SRGAP1: variants seen among roughly 807,000 people sequenced by gnomAD.
SRGAP1 encodes SLIT-ROBO Rho GTPase-activating protein 1.
In SRGAP1, 43 loss-of-function variants were observed where a neutral mutation model predicts 121.9. The ratio of observed to expected loss-of-function variants is 0.35; its 90% CI spans 0.28 to 0.46. The LOEUF is 0.46. Ranked by LOEUF, SRGAP1 falls within the 20% of genes least tolerant of loss-of-function variation. The probability of loss-of-function intolerance (pLI) is 1.00; values close to 1 mark genes in which losing one functional copy is unlikely to be tolerated. For missense variants in SRGAP1, 1,102 were observed against 1,350.9 expected, an observed-to-expected ratio of 0.82 and a Z score of 2.89; for synonymous variants, 447 against 485.4, an observed-to-expected ratio of 0.92 and a Z score of 1.04.
rs1003601730 is a variant in SRGAP1, at chr12:64,129,590, C to T, written c.2880+1390C>T. 3.3e-5 allele frequency among the ~76,000 whole-genome samples: 5 copies of T among 152,124 alleles called. No individual in the cohort carries two copies. The East Asian group carries it at 9.6e-4, about 29-fold the overall frequency. On this transcript the variant is annotated intron_variant, in intron 21 of 21. Transcript: ENST00000355086. ...AGTCTACCCCTTGTCAACTTGAACC[C>T]ATAAACATCTCCTGAGATCGTACAT... is the stretch of plus-strand genomic sequence containing the variant.
intron 1 of SRGAP1, among the ~76,000 whole-genome samples, chr12:63,954,698 GA>G (rs1327985467): frequency 9.4e-6 from 1 of 106,240 alleles, no homozygotes; most frequent in Non-Finnish European, 2.1e-5. Flanking sequence ...AAAAAGAAAA[GA>G]AAAAGCAGTG....
intron 1 of SRGAP1, among the ~76,000 whole-genome samples, chr12:63,939,029 C>T (rs2031767254): frequency 6.7e-6 from 1 of 150,108 alleles, no homozygotes; most frequent in Non-Finnish European, 1.5e-5. Flanking sequence ...GATGGCTTTG[C>T]CTGTAGTCCC....
chr12:64,022,240 T>A (rs1376311770), intron 4 of SRGAP1, among the ~76,000 whole-genome samples: 1 of 152,048 alleles, frequency 6.6e-6, no homozygotes, highest in Non-Finnish European at 1.5e-5. Context: ...AGTCCCAAGA[T>A]CTCCAGTGAG....
rs534401974 is a variant in SRGAP1 at position 64,054,460 on chromosome 12, C to G, written c.802-8457C>G. 2.0e-5 allele frequency among the ~76,000 whole-genome samples: 3 copies of G among 152,272 alleles called. No homozygotes were observed. The South Asian group carries it at 6.2e-4, about 32-fold the overall frequency. On this transcript the variant is annotated intron_variant, in intron 6 of 21. Coordinates refer to ENST00000355086, the MANE Select transcript of SRGAP1 (RefSeq NM_020762.4). ...ATTAAAAAGCAACTTATTCAGAGTT[C>G]AGAGTTTTCTTAGTTTGACTTTTCC...
chr12:64,116,151 G>A (rs2036517707), intron 18 of SRGAP1: 2 of 395,604 alleles, frequency 5.1e-6, no homozygotes, highest in African/African-American at 2.1e-5. Flanking sequence ...CAGTTACTCA[G>A]AAGGGTGAGT....
At chr12:64,095,037 G>C in intron 13 of SRGAP1, 45 bp downstream of exon 13, 1 of 1,610,734 alleles carries the variant, frequency 6.2e-7, no homozygotes, top group Non-Finnish European at 8.5e-7. Flanking sequence ...AAAATCACTT[G>C]AAGTGTTTCA....
chr12:63,910,992 G>GTA, intron 1 of SRGAP1, among the ~76,000 whole-genome samples: 1 of 152,138 alleles, frequency 6.6e-6, no homozygotes, highest in East Asian at 1.9e-4. Flanking sequence ...CAAATCCAAA[G>GTA]TATATATAAA....
intron 1 of SRGAP1, among the ~76,000 whole-genome samples, chr12:63,940,744 G>T (rs1203954929): frequency 6.6e-6 from 1 of 152,182 alleles, no homozygotes; most frequent in Non-Finnish European, 1.5e-5. Flanking sequence ...GCCTCCGTTT[G>T]TTTCTTACAT....
intron 1 of SRGAP1, chr12:63,888,459 T>C (rs1029435057): frequency 4.3e-4 from 65 of 152,210 alleles, no homozygotes; most frequent in African/African-American, 1.5e-3. Context: ...CTTTCCCAAA[T>C]TGGTTTATTA....
chr12:63,928,304 C>T (rs1335227630), intron 1 of SRGAP1, among the ~76,000 whole-genome samples: 2 of 152,068 alleles, frequency 1.3e-5, no homozygotes, highest in East Asian at 3.9e-4. Context: ...ACCCTATGAT[C>T]CAGAAATTCC....
intron 1 of SRGAP1, among the ~76,000 whole-genome samples, chr12:63,945,076 C>G (rs1219599561): frequency 6.6e-6 from 1 of 152,148 alleles, no homozygotes; most frequent in Non-Finnish European, 1.5e-5. Context: ...CCCCAGGAAA[C>G]AAAACAAATA....
chr12:64,060,411 T>G (rs921548702), intron 6 of SRGAP1, among the ~76,000 whole-genome samples: 1 of 151,972 alleles, frequency 6.6e-6, no homozygotes, highest in Non-Finnish European at 1.5e-5. Flanking sequence ...TCTGACTATG[T>G]TACTCAGGCT....
chr12:64,123,643 GATTTATTT>G (rs140354888), intron 18 of SRGAP1, among the ~76,000 whole-genome samples: 7,212 of 141,192 alleles, frequency 0.051, 423 homozygotes, highest in African/African-American at 0.15. Flanking sequence ...ATTGCTAAAG[GATTTATTT>G]ATTTATTTAT....
rs377401887 is a variant in SRGAP1, at chr12:64,049,972, C to G, written c.801+6397C>G. ...TAGAGATTGCATTGAATCTGTAGAC[C>G]GCTTTGGGAAGTCTGGACATTTTAA... On this transcript the variant is annotated intron_variant, in intron 6 of 21. Coordinates refer to ENST00000355086, the MANE Select transcript of SRGAP1 (RefSeq NM_020762.4). Among the ~76,000 whole-genome samples the G allele has an allele frequency of 2.0e-5, 3 of 151,950 alleles. No homozygotes were observed. In the East Asian group the frequency reaches 5.8e-4, roughly 29 times the overall value.
intron 3 of SRGAP1, among the ~76,000 whole-genome samples, chr12:64,005,999 C>G (rs1170827972): frequency 1.3e-5 from 2 of 152,082 alleles, no homozygotes; most frequent in African/African-American, 4.8e-5. Context: ...AACTTAGACT[C>G]TAGTAAGGAA....
Position 64,045,776 on chromosome 12 carries a change from T to C in SRGAP1, c.801+2201T>C, listed in dbSNP as rs183995497. Among the ~76,000 whole-genome samples the C allele has an allele frequency of 1.5e-3, 226 of 152,270 alleles. 1 individual carries two copies. Among genetic ancestry groups the C allele is most frequent in the Non-Finnish European group, 1.4e-3 (93 of 68,030 alleles). On this transcript the variant is annotated intron_variant, in intron 6 of 21. Coordinates refer to ENST00000355086, the MANE Select transcript of SRGAP1 (RefSeq NM_020762.4). ...TTTAATACAAGAAAAACTCTCCGTG[T>C]ATAGAAAAGTACTTCTTTAATACCT...
At chr12:63,852,163 A>AT (rs1357398145) in intron 1 of SRGAP1, among the ~76,000 whole-genome samples, 4 of 151,624 alleles carry the variant, frequency 2.6e-5, no homozygotes, top group African/African-American at 9.7e-5. Flanking sequence ...TGATTTTTGT[A>AT]TTTTTTGTAG....
intron 2 of SRGAP1, among the ~76,000 whole-genome samples, chr12:63,986,350 G>A (rs76115309): frequency 0.032 from 4,932 of 152,154 alleles, 248 homozygotes; most frequent in African/African-American, 0.11. Context: ...AGCCAGTACT[G>A]TATTCACATA....
intron 1 of SRGAP1, among the ~76,000 whole-genome samples, chr12:63,964,465 A>G (rs1415762994): frequency 6.6e-6 from 1 of 152,082 alleles, no homozygotes; most frequent in Non-Finnish European, 1.5e-5. Context: ...CTTGAGCCCT[A>G]AAGAGGATTA....
Sources: gnomAD v4.1 joint callset for allele counts (sites outside exome capture counted in the v4.1 genomes callset) on GRCh38, gnomAD v4.1.1 for gene constraint, MANE v1.5 for transcripts, NCBI Gene and HGNC (gene_info 2026-07-23, HGNC 2026-07-21) for gene names.